Variants in ZNF106 observed in about 807,000 individuals in gnomAD.
The protein encoded by ZNF106 is zinc finger protein 106.
In ZNF106, 67 loss-of-function variants were observed where a neutral mutation model predicts 195.1. The observed-to-expected ratio is 0.34, with a 90% CI of 0.28 to 0.42. The LOEUF (loss-of-function observed/expected upper bound fraction) is 0.42, where lower values mean the gene tolerates loss of function less well. ZNF106 is among the 10% of genes least tolerant of loss of function. The pLI is 1.00. For synonymous variants in ZNF106, 784 were observed against 818.6 expected, an observed-to-expected ratio of 0.96 and a Z score of 0.72; for missense variants, 2,118 against 2,304.5, an observed-to-expected ratio of 0.92 and a Z score of 1.66.
At position 42,451,042 on chromosome 15, in the gene ZNF106, T is replaced by C. The variant is rs780483432; in HGVS notation, c.1230A>G (p.Thr410=). The C allele has an allele frequency of 1.1e-5, 18 of 1,614,120 alleles. No individual in the cohort carries two copies. Among genetic ancestry groups the C allele is most frequent in the Admixed American group, 1.7e-5 (1 of 60,012 alleles). The change falls in exon 5 of 22, where the codon ACA becomes ACG. Residue 410 remains threonine, a synonymous_variant. Coordinates refer to ENST00000564754, the MANE Select transcript of ZNF106 (RefSeq NM_001366845.3). ...CATCAGTTTGGGGCTCCTGTATTCC[T>C]GTAGTTATCAAGCTAAAATCAAAGA... is the stretch of plus-strand genomic sequence containing the variant. ...KPLFDFSLIT[T]GIQEPQTDET... is the part of the protein sequence containing the mutation.
chr15:42,482,190 A>T (rs1172838442), intron 1 of ZNF106, among the ~76,000 whole-genome samples: 1 of 152,136 alleles, frequency 6.6e-6, no homozygotes, highest in Non-Finnish European at 1.5e-5. Flanking sequence ...TTATGAATAC[A>T]TTTTCCTTTA....
chr15:42,447,981 G>T, intron 6 of ZNF106, 91 bp downstream of exon 6: 1 of 1,408,006 alleles, frequency 7.1e-7, no homozygotes, highest in Non-Finnish European at 9.6e-7. Context: ...CACAATCCCA[G>T]ATACCCAAGA....
At chr15:42,442,474 G>T in intron 9 of ZNF106, 60 bp from the exon 10 acceptor site, 1 of 1,396,910 alleles carries the variant, frequency 7.2e-7, no homozygotes, top group Non-Finnish European at 9.8e-7. Flanking sequence ...AGTCATTTGT[G>T]TCTGAGCTAA....
chr15:42,436,226 T>C (rs1487674735), intron 13 of ZNF106, among the ~76,000 whole-genome samples: 1 of 152,172 alleles, frequency 6.6e-6, no homozygotes, highest in Non-Finnish European at 1.5e-5. Flanking sequence ...CTGCTGGGAT[T>C]ATAGGTGTGA....
At chr15:42,473,168 G>T (rs1481192451) in intron 1 of ZNF106, among the ~76,000 whole-genome samples, 1 of 152,158 alleles carries the variant, frequency 6.6e-6, no homozygotes, top group East Asian at 1.9e-4. Flanking sequence ...TTTAGATTTG[G>T]AATGTTCCGA....
chr15:42,433,627 T>C (rs570088469), intron 14 of ZNF106, among the ~76,000 whole-genome samples: 1 of 151,624 alleles, frequency 6.6e-6, no homozygotes, highest in South Asian at 2.1e-4. Context: ...GGATTACAGG[T>C]GTGCGTCACC....
chr15:42,464,806 C>T (rs1015712444), intron 3 of ZNF106, among the ~76,000 whole-genome samples: 8 of 152,072 alleles, frequency 5.3e-5, no homozygotes, highest in African/African-American at 1.9e-4. Context: ...AGGGTAGGGC[C>T]AGGTGGAGAT....
chr15:42,422,736 CAATT>C (rs1478230404), intron 17 of ZNF106, 116 bp from the exon 18 acceptor site: 7 of 1,036,242 alleles, frequency 6.8e-6, no homozygotes, highest in Non-Finnish European at 7.9e-6. Context: ...ATAATTAATA[CAATT>C]AATTGTATTA....
At chr15:42,419,328 C>T (rs933655956) in intron 20 of ZNF106, among the ~76,000 whole-genome samples, 26 of 151,868 alleles carry the variant, frequency 1.7e-4, no homozygotes, top group African/African-American at 6.0e-4. Flanking sequence ...GATCGCACTC[C>T]AGCCTGGGTG....
intron 1 of ZNF106, among the ~76,000 whole-genome samples, chr15:42,477,612 GGT>G (rs1471364104): frequency 6.6e-6 from 1 of 152,202 alleles, no homozygotes; most frequent in African/African-American, 2.4e-5. Context: ...AGGTTGCTCA[GGT>G]GTGGTGGCTC....
Position 42,414,605 on chromosome 15 carries a change from A to G in ZNF106, c.*2699T>C, listed in dbSNP as rs1380933795. On this transcript the variant is annotated 3_prime_UTR_variant, in exon 22 of 22. Transcript: ENST00000564754. ...AATCAGAGTTCTTACCGATTCTACCACTCTGTAATACTCTCAGAAGTTCCC... is the reference window on the plus strand; with the variant it reads ...AATCAGAGTTCTTACCGATTCTACCGCTCTGTAATACTCTCAGAAGTTCCC... 1 of 152,062 alleles carries G rather than the reference A, an allele frequency of 6.6e-6. No individual in the cohort carries two copies. The highest frequency in any genetic ancestry group is 1.5e-5 in the Non-Finnish European group (1 of 68,028). 9.4% of individuals were successfully genotyped at this position (152,062 alleles called of 1,614,324 possible).
intron 1 of ZNF106, among the ~76,000 whole-genome samples, chr15:42,480,806 GA>G (rs750981283): frequency 1.1e-4 from 17 of 152,120 alleles, no homozygotes; most frequent in Non-Finnish European, 2.1e-4. Context: ...CCAACAAGGT[GA>G]AACCATGTCT....
At chr15:42,487,977 A>G (rs1374487794) in intron 1 of ZNF106, among the ~76,000 whole-genome samples, 1 of 152,196 alleles carries the variant, frequency 6.6e-6, no homozygotes, top group Non-Finnish European at 1.5e-5. Flanking sequence ...ATGGCACAGT[A>G]TATGCATGTA....
chr15:42,457,197 C>CACTGGCATGGCACACTCACCAGATCT (rs2056257757), intron 3 of ZNF106, 39 bp from the exon 4 acceptor site: 1 of 1,613,846 alleles, frequency 6.2e-7, no homozygotes, highest in Non-Finnish European at 8.5e-7. Flanking sequence ...CAATTCTCCC[C>CACTGGCATGGCACACTCACCAGATCT]ACTGGCATGG....
rs541829775 is a variant in ZNF106 at position 42,443,881 on chromosome 15, C to A, written c.3421+321G>T. On this transcript the variant is annotated intron_variant, in intron 9 of 21. Transcript: ENST00000564754. The stretch of plus-strand genomic sequence containing the variant: ...CAGAACTTTGGGAGGCTGAGGCAGG[C>A]GGATCACCTGAGGTCAGGAGTTCGA... Among the ~76,000 whole-genome samples, 835 of 151,894 alleles carry A rather than the reference C, an allele frequency of 5.5e-3. 4 individuals carry two copies. Among genetic ancestry groups the A allele is most frequent in the Non-Finnish European group, 0.011 (718 of 67,922 alleles).
intron 14 of ZNF106, among the ~76,000 whole-genome samples, chr15:42,429,404 AC>A (rs1339739860): frequency 6.6e-6 from 1 of 151,212 alleles, no homozygotes; most frequent in Admixed American, 6.6e-5. Context: ...AGGTCACCAC[AC>A]TCCAGCCTGG....
intron 4 of ZNF106, 96 bp from the exon 5 acceptor site, chr15:42,452,050 G>A (rs998968829): frequency 1.2e-5 from 16 of 1,356,054 alleles, no homozygotes; most frequent in Middle Eastern, 3.7e-4. Context: ...CTTTCCTCCC[G>A]TTACTTAGAA....
rs1044498038 is a variant in ZNF106, at chr15:42,452,007, T to G, written c.318-53A>C. Reference sequence around the variant, plus strand: ...GATTTAAAGGAATTCCTATGCTACCTTGAAAGGCATAACCCACCAAACTTC... The same window carrying G: ...GATTTAAAGGAATTCCTATGCTACCGTGAAAGGCATAACCCACCAAACTTC... On this transcript the variant is annotated intron_variant, in intron 4 of 21. Coordinates refer to ENST00000564754, the MANE Select transcript of ZNF106 (RefSeq NM_001366845.3). 2.6e-6 allele frequency: 4 copies of G among 1,546,696 alleles called. No individual in the cohort carries two copies. The African/African-American group carries it at 4.1e-5, about 16-fold the overall frequency.
chr15:42,467,064 C>A (rs1231546160), intron 2 of ZNF106, among the ~76,000 whole-genome samples: 5 of 151,968 alleles, frequency 3.3e-5, no homozygotes, highest in Non-Finnish European at 5.9e-5. Context: ...ACCCGGGAGG[C>A]AGAGGCTACA....
Sources: gnomAD v4.1 joint callset for allele counts (sites outside exome capture counted in the v4.1 genomes callset) on GRCh38, gnomAD v4.1.1 for gene constraint, MANE v1.5 for transcripts, NCBI Gene and HGNC (gene_info 2026-07-23, HGNC 2026-07-21) for gene names.